IMMP2L: variants seen among roughly 807,000 people sequenced by gnomAD.
The protein encoded by IMMP2L is mitochondrial inner membrane protease subunit 2.
A neutral mutation model predicts 19.3 loss-of-function variants in IMMP2L; 18 were observed. The ratio of observed to expected loss-of-function variants is 0.93; its 90% CI spans 0.64 to 1.38. The LOEUF (loss-of-function observed/expected upper bound fraction) is 1.38, where lower values mean the gene tolerates loss of function less well. IMMP2L is among the 40% of genes most tolerant of loss of function. The probability of loss-of-function intolerance (pLI) is 0.00; values close to 1 mark genes in which losing one functional copy is unlikely to be tolerated. For synonymous variants in IMMP2L, 76 were observed against 73.0 expected, an observed-to-expected ratio of 1.04 and a Z score of -0.21; for missense variants, 233 against 218.2, an observed-to-expected ratio of 1.07 and a Z score of -0.43.
chr7:111,410,188 G>T (rs1834275660), intron 3 of IMMP2L, among the ~76,000 whole-genome samples: 1 of 151,712 alleles, frequency 6.6e-6, no homozygotes, highest in Non-Finnish European at 1.5e-5. Flanking sequence ...TTCCAAGAAT[G>T]AAGAGCCCTT....
At chr7:111,009,674 G>A (rs576691665) in intron 3 of IMMP2L, among the ~76,000 whole-genome samples, 34 of 152,094 alleles carry the variant, frequency 2.2e-4, no homozygotes, top group African/African-American at 7.5e-4. Context: ...TTTTCAGTCT[G>A]TCTTCAACAA....
intron 5 of IMMP2L, among the ~76,000 whole-genome samples, chr7:110,872,504 C>T (rs1808635054): frequency 6.6e-6 from 1 of 152,102 alleles, no homozygotes; most frequent in Non-Finnish European, 1.5e-5. Context: ...AACAACAACC[C>T]CTTTCCCTGT....
intron 5 of IMMP2L, among the ~76,000 whole-genome samples, chr7:110,733,522 G>C (rs559707847): frequency 7.5e-6 from 1 of 133,684 alleles, no homozygotes; most frequent in South Asian, 2.5e-4. Flanking sequence ...TAAGAAAAGA[G>C]GAAGGAAGAG....
chr7:110,848,606 G>A (rs1237223051), intron 5 of IMMP2L, among the ~76,000 whole-genome samples: 1 of 152,062 alleles, frequency 6.6e-6, no homozygotes, highest in Non-Finnish European at 1.5e-5. Flanking sequence ...ATCTGCACAC[G>A]AATATTTATA....
intron 5 of IMMP2L, among the ~76,000 whole-genome samples, chr7:110,846,424 G>A (rs1173760955): frequency 6.7e-6 from 1 of 149,982 alleles, no homozygotes; most frequent in Admixed American, 6.7e-5. Context: ...GGAGTGCAGT[G>A]GCACAGTCTT....
chr7:110,772,938 G>T (rs1040092958), intron 5 of IMMP2L, among the ~76,000 whole-genome samples: 3 of 151,642 alleles, frequency 2.0e-5, no homozygotes, highest in African/African-American at 7.3e-5. Context: ...AGTACTATCG[G>T]CCATATTCAT....
chr7:111,228,671 CT>C (rs1206317809), intron 3 of IMMP2L, among the ~76,000 whole-genome samples: 3 of 151,998 alleles, frequency 2.0e-5, no homozygotes, highest in Non-Finnish European at 4.4e-5. Context: ...GAAATTTCCT[CT>C]ATTGGGCAAT....
intron 5 of IMMP2L, among the ~76,000 whole-genome samples, chr7:110,852,349 T>C (rs1156582690): frequency 6.6e-6 from 1 of 152,038 alleles, no homozygotes; most frequent in African/African-American, 2.4e-5. Flanking sequence ...CTCTGAGTCA[T>C]AGACAAATAC....
At chr7:110,741,490 T>C (rs1796986493) in intron 5 of IMMP2L, among the ~76,000 whole-genome samples, 1 of 152,176 alleles carries the variant, frequency 6.6e-6, no homozygotes, top group African/African-American at 2.4e-5. Context: ...TATTTGTCCC[T>C]TTTTGCCCTT....
At chr7:110,696,425 C>CTTTTTTTTTTTTT (rs374621101) in intron 5 of IMMP2L, among the ~76,000 whole-genome samples, 2 of 119,860 alleles carry the variant, frequency 1.7e-5, no homozygotes, top group African/African-American at 6.1e-5. Context: ...TCCTTTTTCT[C>CTTTTTTTTTTTTT]TTTTTTTTTT....
chr7:111,191,467 CACACACAA>C (rs1400737818), intron 3 of IMMP2L, among the ~76,000 whole-genome samples: 3 of 94,892 alleles, frequency 3.2e-5, no homozygotes. Flanking sequence ...CACACACACA[CACACACAA>C]AACTTATATG....
Position 111,418,305 on chromosome 7 carries a change from T to C in IMMP2L, c.239+68933A>G, listed in dbSNP as rs555218012. Among the ~76,000 whole-genome samples, 97 of 151,884 alleles carry C rather than the reference T, an allele frequency of 6.4e-4. 1 individual carries two copies. The highest frequency in any genetic ancestry group is 9.4e-4 in the Non-Finnish European group (64 of 67,986). ...CTCCTTTCAGGTCCCCAATAAAACCTTGATCTGACCCTGATGCTAGAAAAT... is the reference window on the plus strand; with the variant it reads ...CTCCTTTCAGGTCCCCAATAAAACCCTGATCTGACCCTGATGCTAGAAAAT... On this transcript the variant is annotated intron_variant, in intron 3 of 5. Coordinates refer to ENST00000405709, the MANE Select transcript of IMMP2L (RefSeq NM_032549.4).
chr7:111,002,894 TGA>T (rs1823860236), intron 3 of IMMP2L, among the ~76,000 whole-genome samples: 1 of 152,300 alleles, frequency 6.6e-6, no homozygotes, highest in East Asian at 1.9e-4. Flanking sequence ...CCAGTGTCCA[TGA>T]GACTGAAAAC....
intron 3 of IMMP2L, among the ~76,000 whole-genome samples, chr7:111,438,605 T>TA (rs1837422110): frequency 6.6e-6 from 1 of 151,966 alleles, no homozygotes; most frequent in Non-Finnish European, 1.5e-5. Flanking sequence ...GCTGTGTTGT[T>TA]AGAAGAAATG....
chr7:111,220,006 C>T (rs1350136008), intron 3 of IMMP2L, among the ~76,000 whole-genome samples: 6 of 151,992 alleles, frequency 3.9e-5, no homozygotes, highest in East Asian at 3.9e-4. Context: ...TCTCAGACTA[C>T]GAATTTATGC....
intron 5 of IMMP2L, among the ~76,000 whole-genome samples, chr7:110,854,270 G>T (rs1806528467): frequency 6.6e-6 from 1 of 151,612 alleles, no homozygotes; most frequent in African/African-American, 2.4e-5. Flanking sequence ...TATATCAGTG[G>T]AAAACTTACA....
intron 5 of IMMP2L, among the ~76,000 whole-genome samples, chr7:110,883,246 T>A (rs917336301): frequency 6.6e-5 from 10 of 152,166 alleles, no homozygotes; most frequent in African/African-American, 2.4e-4. Context: ...AGGAATTCCA[T>A]GGAATTTTAA....
At chr7:110,821,050 C>T (rs1033460158) in intron 5 of IMMP2L, among the ~76,000 whole-genome samples, 8 of 152,070 alleles carry the variant, frequency 5.3e-5, no homozygotes, top group Admixed American at 5.2e-4. Context: ...GACCTGTATG[C>T]TTTATATACA....
At chr7:110,746,405 C>G (rs932720135) in intron 5 of IMMP2L, among the ~76,000 whole-genome samples, 7 of 152,146 alleles carry the variant, frequency 4.6e-5, no homozygotes, top group Non-Finnish European at 1.0e-4. Context: ...ACCAAGCAAA[C>G]CTAGTAGACA....
Sources: gnomAD v4.1 joint callset for allele counts (sites outside exome capture counted in the v4.1 genomes callset) on GRCh38, gnomAD v4.1.1 for gene constraint, MANE v1.5 for transcripts, NCBI Gene and HGNC (gene_info 2026-07-23, HGNC 2026-07-21) for gene names.